The following COL19A1 variants were observed in gnomAD, a reference collection of about 807,000 sequenced individuals.
COL19A1 encodes the protein collagen type XIX alpha 1 chain.
In COL19A1, 159 loss-of-function variants were observed where a neutral mutation model predicts 190.2. The observed-to-expected ratio is 0.84, with a 90% CI of 0.73 to 0.95. The LOEUF is 0.95. Ranked by LOEUF, COL19A1 falls within the 40% of genes least tolerant of loss-of-function variation. The pLI is 0.00. For missense variants in COL19A1, 1,418 were observed against 1,431.9 expected (o/e 0.99, Z 0.16); for synonymous variants, 509 against 458.9 (o/e 1.11, Z -1.39).
intron 4 of COL19A1, among the ~76,000 whole-genome samples, chr6:69,907,296 A>T (rs1770623408): frequency 6.6e-6 from 1 of 151,602 alleles, no homozygotes; most frequent in Non-Finnish European, 1.5e-5. Flanking sequence ...CTCCTGGCTA[A>T]TTTTTGTATT....
intron 14 of COL19A1, among the ~76,000 whole-genome samples, chr6:70,055,863 C>A (rs1780474598): frequency 6.9e-6 from 1 of 144,606 alleles, no homozygotes; most frequent in African/African-American, 2.5e-5. Flanking sequence ...TGTACCTTTT[C>A]TTTCTTGAAT....
chr6:69,950,759 GA>G (rs1774081400), intron 9 of COL19A1, among the ~76,000 whole-genome samples: 1 of 151,248 alleles, frequency 6.6e-6, no homozygotes, highest in Non-Finnish European at 1.5e-5. Context: ...AGGAAAATGA[GA>G]TGAGGATTTG....
chr6:70,082,973 G>A lies in COL19A1; in HGVS notation c.1224+14497G>A, dbSNP rs1782357450. On this transcript the variant is annotated intron_variant, in intron 15 of 50. Transcript: ENST00000620364. ...CCCCACTGATGTGACAGGAGGCAGA[G>A]TTCATGCGGTAATGCTCGCCCGCCA... 2.6e-5 allele frequency among the ~76,000 whole-genome samples: 4 copies of A among 152,304 alleles called. No homozygotes were observed. The South Asian group carries it at 6.2e-4, about 24-fold the overall frequency.
intron 2 of COL19A1, among the ~76,000 whole-genome samples, chr6:69,887,233 A>G (rs1769005791): frequency 6.6e-6 from 1 of 152,228 alleles, no homozygotes; most frequent in Admixed American, 6.5e-5. Context: ...TTGTTTTGCT[A>G]ATCACCTACT....
intron 14 of COL19A1, among the ~76,000 whole-genome samples, chr6:70,066,353 A>G (rs1297893727): frequency 6.6e-6 from 1 of 152,206 alleles, no homozygotes; most frequent in Non-Finnish European, 1.5e-5. Context: ...ACAAGGACAA[A>G]AAAACAAACA....
chr6:70,029,047 A>G (rs1778883107), intron 12 of COL19A1, among the ~76,000 whole-genome samples: 1 of 152,068 alleles, frequency 6.6e-6, no homozygotes, highest in Non-Finnish European at 1.5e-5. Flanking sequence ...ACAGCATCTG[A>G]TGTTTCTAAA....
At chr6:69,918,115 G>A (rs946329805) in intron 4 of COL19A1, among the ~76,000 whole-genome samples, 2 of 152,164 alleles carry the variant, frequency 1.3e-5, no homozygotes, top group African/African-American at 2.4e-5. Context: ...TCAGAGGAAG[G>A]CAGGAGTCAG....
At chr6:70,093,952 T>G (rs1009326685) in intron 15 of COL19A1, among the ~76,000 whole-genome samples, 1 of 152,196 alleles carries the variant, frequency 6.6e-6, no homozygotes, top group Non-Finnish European at 1.5e-5. Context: ...GCCTCAATAA[T>G]GTTCATCTTT....
At chr6:70,019,582 A>G (rs2150101445) in intron 11 of COL19A1, among the ~76,000 whole-genome samples, 1 of 152,284 alleles carries the variant, frequency 6.6e-6, no homozygotes, top group East Asian at 1.9e-4. Flanking sequence ...TAGTTTTATC[A>G]TAGAATGGCT....
intron 34 of COL19A1, among the ~76,000 whole-genome samples, chr6:70,159,393 C>T (rs1259582093): frequency 6.6e-6 from 1 of 151,718 alleles, no homozygotes. Flanking sequence ...CCTGCACATG[C>T]ACACATGCCC....
At chr6:70,170,550 T>G (rs1765437526) in intron 40 of COL19A1, among the ~76,000 whole-genome samples, 1 of 76,462 alleles carries the variant, frequency 1.3e-5, no homozygotes, top group Admixed American at 1.1e-4. Context: ...AATATTTAAT[T>G]ATTGCTACTT....
chr6:70,095,622 C>T (rs1562167946), intron 15 of COL19A1, among the ~76,000 whole-genome samples: 1 of 152,166 alleles, frequency 6.6e-6, no homozygotes, highest in Non-Finnish European at 1.5e-5. Context: ...TGTTGTGAAA[C>T]AGATCTCCAG....
Position 70,207,195 on chromosome 6 carries a change from C to G in COL19A1, c.3350C>G (p.Pro1117Arg). Residue 1117 changes from proline (P) to arginine (R), a missense_variant, in exon 51 of 51, where the codon CCA (proline) becomes CGA (arginine). Transcript: ENST00000620364. Reference sequence around the variant, plus strand: ...GGTGCCCCAGGCCCACAGGGCCCCCCAGGACCCAGTGGAAGATGTAACCCA... The same window carrying G: ...GGTGCCCCAGGCCCACAGGGCCCCCGAGGACCCAGTGGAAGATGTAACCCA... ...SPGAPGPQGP[P>R]GPSGRCNPED... 1.2e-6 allele frequency: 2 copies of G among 1,613,960 alleles called. No homozygotes were observed. The highest frequency in any genetic ancestry group is 1.7e-6 in the Non-Finnish European group (2 of 1,179,928).
At position 70,184,922 on chromosome 6, in the gene COL19A1, ATATTAC is replaced by A. The variant is rs760951462; in HGVS notation, c.2856+12_2856+17del. The A allele has an allele frequency of 2.5e-6, 4 of 1,610,312 alleles. No homozygotes were observed. The highest frequency in any genetic ancestry group is 8.5e-7 in the Non-Finnish European group (1 of 1,178,426). ...AGGCCCCAAAGGAGAACGTGTATGT[ATATTAC>A]TATTGTGATTGTTATTCAAGTCTGT... On this transcript the variant is annotated splice_region_variant and intron_variant, in intron 46 of 50. Transcript: ENST00000620364.
chr6:70,032,278 C>T (rs956214542), intron 12 of COL19A1, among the ~76,000 whole-genome samples: 3 of 152,118 alleles, frequency 2.0e-5, no homozygotes, highest in Non-Finnish European at 4.4e-5. Context: ...ACATACTTAG[C>T]AAGATTCTTG....
At chr6:69,921,173 GTATCACATATATTCATATATA>G (rs1330643191) in intron 4 of COL19A1, among the ~76,000 whole-genome samples, 2 of 124,124 alleles carry the variant, frequency 1.6e-5, no homozygotes, top group South Asian at 2.4e-4. Flanking sequence ...ATTCATATAC[GTATCACATATATTCATATATA>G]TATCACATAT....
At chr6:69,972,416 T>C (rs988995896) in intron 11 of COL19A1, among the ~76,000 whole-genome samples, 1 of 152,230 alleles carries the variant, frequency 6.6e-6, no homozygotes, top group Non-Finnish European at 1.5e-5. Flanking sequence ...GTGTACGTTT[T>C]TATCTCTAAC....
At chr6:70,005,053 C>T (rs957804068) in intron 11 of COL19A1, among the ~76,000 whole-genome samples, 25 of 152,022 alleles carry the variant, frequency 1.6e-4, no homozygotes, top group African/African-American at 4.1e-4. Flanking sequence ...AGGATGGTCT[C>T]GATCTCCTAA....
At chr6:70,056,682 A>G (rs1465052821) in intron 14 of COL19A1, among the ~76,000 whole-genome samples, 1 of 152,098 alleles carries the variant, frequency 6.6e-6, no homozygotes, top group African/African-American at 2.4e-5. Context: ...TGCAATCTTA[A>G]TCCTCCTAAG....
Sources: gnomAD v4.1 joint callset for allele counts (sites outside exome capture counted in the v4.1 genomes callset) on GRCh38, gnomAD v4.1.1 for gene constraint, MANE v1.5 for transcripts, NCBI Gene and HGNC (gene_info 2026-07-23, HGNC 2026-07-21) for gene names.